Variants in PRDM5 observed in about 807,000 individuals in gnomAD.
PRDM5 encodes the protein PR domain zinc finger protein 5.
Under a neutral mutation model 81.2 loss-of-function variants are expected in PRDM5, and 56 were observed. The observed-to-expected ratio is 0.69, with a 90% CI of 0.56 to 0.86. The LOEUF (loss-of-function observed/expected upper bound fraction) is 0.86. Among genes scored for constraint, PRDM5 ranks in the 40% least tolerant of loss-of-function variants. The pLI is 0.00. For synonymous variants in PRDM5, 267 were observed against 256.4 expected, an observed-to-expected ratio of 1.04 and a Z score of -0.39; for missense variants, 697 against 770.1, an observed-to-expected ratio of 0.91 and a Z score of 1.12.
chr4:120,798,322 C>T lies in PRDM5; in HGVS notation c.1133G>A (p.Cys378Tyr). 3 of 1,611,620 alleles carry T rather than the reference C, an allele frequency of 1.9e-6. No homozygotes were observed. Among genetic ancestry groups the T allele is most frequent in the Non-Finnish European group, 2.5e-6 (3 of 1,178,748 alleles). ...VIHSEDKPYKCKLCGKGFAHR... is the reference protein window; with the variant it reads ...VIHSEDKPYKYKLCGKGFAHR... ...GGCAAATCCCTTTCCACAAAGTTTG[C>T]ATTTGTAAGGTTTGTCTTCGCTGTG... The change falls in exon 10 of 16, where the codon TGC (cysteine) becomes TAC (tyrosine). Residue 378 changes from cysteine to tyrosine, a missense_variant. Around this residue, in one of 3 missense-constraint regions of PRDM5, gnomAD observed 577 missense variants for 606.7 expected, o/e 0.95. Coordinates refer to ENST00000264808, the MANE Select transcript of PRDM5 (RefSeq NM_018699.4).
At chr4:120,920,555 C>T (rs1724779127) in intron 1 of PRDM5, among the ~76,000 whole-genome samples, 1 of 152,182 alleles carries the variant, frequency 6.6e-6, no homozygotes. Context: ...CACAATTCAG[C>T]TAAAGTCTGC....
intron 3 of PRDM5, among the ~76,000 whole-genome samples, chr4:120,832,031 T>C (rs186432653): frequency 4.7e-4 from 72 of 152,266 alleles, no homozygotes; most frequent in African/African-American, 1.6e-3. Flanking sequence ...TCCATGTTCA[T>C]CTGTATTTAT....
At chr4:120,736,684 C>T (rs1254672919) in intron 14 of PRDM5, among the ~76,000 whole-genome samples, 2 of 152,136 alleles carry the variant, frequency 1.3e-5, no homozygotes, top group Non-Finnish European at 2.9e-5. Context: ...GCATCTTGTA[C>T]TATATATTCG....
intron 2 of PRDM5, among the ~76,000 whole-genome samples, chr4:120,881,679 C>T (rs886642897): frequency 6.6e-6 from 1 of 152,128 alleles, no homozygotes; most frequent in Admixed American, 6.5e-5. Context: ...CTTTGTACAT[C>T]TTGAAAACCT....
At chr4:120,710,550 C>T in intron 14 of PRDM5, 137 bp from the exon 15 acceptor site, 1 of 743,094 alleles carries the variant, frequency 1.3e-6, no homozygotes, top group Non-Finnish European at 2.4e-6. Flanking sequence ...TTTGGCTGTG[C>T]CCCACCCAAA....
chr4:120,798,542 A>T (rs1334603850), intron 9 of PRDM5, 118 bp from the exon 10 acceptor site: 1 of 844,250 alleles, frequency 1.2e-6, no homozygotes, highest in Non-Finnish European at 1.8e-6. Flanking sequence ...TGGTCAAACA[A>T]CTAAAAAACA....
intron 15 of PRDM5, among the ~76,000 whole-genome samples, chr4:120,699,155 A>T (rs1156658981): frequency 1.1e-5 from 1 of 89,574 alleles, no homozygotes; most frequent in Non-Finnish European, 2.1e-5. Context: ...AATTATAGGA[A>T]ATATAAATAT....
At chr4:120,906,247 G>A (rs951710201) in intron 2 of PRDM5, among the ~76,000 whole-genome samples, 2 of 152,000 alleles carry the variant, frequency 1.3e-5, no homozygotes, top group Admixed American at 1.3e-4. Flanking sequence ...CTGGAATTAG[G>A]CACAAGCCAC....
downstream of PRDM5, among the ~76,000 whole-genome samples, chr4:120,687,108 AT>A (rs1413841786): frequency 6.6e-6 from 1 of 152,052 alleles, no homozygotes; most frequent in East Asian, 1.9e-4. Flanking sequence ...AAACGTACTT[AT>A]TTTTAGAAGA....
chr4:120,735,601 A>C (rs1319003991), intron 14 of PRDM5, among the ~76,000 whole-genome samples: 1 of 152,178 alleles, frequency 6.6e-6, no homozygotes, highest in Non-Finnish European at 1.5e-5. Context: ...GATGGGAGAT[A>C]CAGTCTTTTG....
chr4:120,820,345 G>A (rs138281041), intron 4 of PRDM5, among the ~76,000 whole-genome samples: 2,950 of 152,244 alleles, frequency 0.019, 39 homozygotes, highest in Middle Eastern at 0.034. Flanking sequence ...CTCCAGAAAC[G>A]TAAGCAATAA....
At chr4:120,765,853 A>G (rs1177916894) in intron 13 of PRDM5, among the ~76,000 whole-genome samples, 1 of 152,224 alleles carries the variant, frequency 6.6e-6, no homozygotes, top group Non-Finnish European at 1.5e-5. Flanking sequence ...GTTAGCAGCA[A>G]TAGCTCACAG....
intron 2 of PRDM5, among the ~76,000 whole-genome samples, chr4:120,884,481 A>G (rs1277800902): frequency 6.6e-6 from 1 of 152,184 alleles, no homozygotes; most frequent in African/African-American, 2.4e-5. Flanking sequence ...TATGCTTTCT[A>G]TGCTCCCCAA....
chr4:120,722,691 G>A (rs1262033496), intron 14 of PRDM5, among the ~76,000 whole-genome samples: 1 of 152,174 alleles, frequency 6.6e-6, no homozygotes. Flanking sequence ...CTAAACCAAT[G>A]ACAGCAATTC....
intron 14 of PRDM5, among the ~76,000 whole-genome samples, chr4:120,717,331 A>C (rs534854637): frequency 2.6e-5 from 4 of 152,302 alleles, no homozygotes; most frequent in Non-Finnish European, 4.4e-5. Context: ...CAGGAGTCTC[A>C]TCAGTCTAGC....
intron 14 of PRDM5, among the ~76,000 whole-genome samples, chr4:120,743,347 G>A (rs371079195): frequency 6.6e-6 from 1 of 151,868 alleles, no homozygotes; most frequent in Non-Finnish European, 1.5e-5. Flanking sequence ...AAAGACCATT[G>A]AGACTAGGAA....
At chr4:120,849,713 C>T (rs1213106212) in intron 3 of PRDM5, among the ~76,000 whole-genome samples, 1 of 152,002 alleles carries the variant, frequency 6.6e-6, no homozygotes, top group Non-Finnish European at 1.5e-5. Flanking sequence ...ATCAAAAGAA[C>T]AGAAATTTTT....
intron 2 of PRDM5, among the ~76,000 whole-genome samples, chr4:120,893,179 G>A (rs561284282): frequency 1.6e-4 from 24 of 152,282 alleles, no homozygotes; most frequent in East Asian, 1.9e-4. Context: ...GGATTCTCCC[G>A]TTTCCAGTCT....
chr4:120,914,469 T>C (rs1231611564), intron 1 of PRDM5, among the ~76,000 whole-genome samples: 1 of 152,146 alleles, frequency 6.6e-6, no homozygotes, highest in Admixed American at 6.6e-5. Context: ...ATGAGAAGTG[T>C]ATTAATCTAT....
Sources: allele counts gnomAD v4.1 joint callset (sites outside exome capture counted in the v4.1 genomes callset), GRCh38; gene constraint gnomAD v4.1.1; regional missense constraint gnomAD v4.1.1; transcripts MANE v1.5; gene names NCBI Gene and HGNC (gene_info 2026-07-23, HGNC 2026-07-21).